SYK: variants seen among roughly 807,000 people sequenced by gnomAD.
SYK encodes spleen associated tyrosine kinase, also known as tyrosine-protein kinase SYK.
Under a neutral mutation model 77.8 loss-of-function variants are expected in SYK, and 16 were observed. The observed-to-expected ratio is 0.21, with a 90% confidence interval of 0.14 to 0.31. The LOEUF (loss-of-function observed/expected upper bound fraction) is 0.31. Ranked by LOEUF, SYK falls within the 10% of genes least tolerant of loss-of-function variation. The pLI is 1.00. For missense variants in SYK, 529 were observed against 814.4 expected, an observed-to-expected ratio of 0.65 and a Z score of 4.26; for synonymous variants, 312 against 308.7, an observed-to-expected ratio of 1.01 and a Z score of -0.11.
chr9:90,861,127 G>T (rs186684512), intron 3 of SYK, among the ~76,000 whole-genome samples: 2 of 152,136 alleles, frequency 1.3e-5, no homozygotes. Flanking sequence ...TAAACTGGGG[G>T]ATTCGCACCC....
Position 90,895,523 on chromosome 9 carries a change from T to G in SYK, c.1836-5T>G. 2 of 1,614,006 alleles carry G rather than the reference T, an allele frequency of 1.2e-6. No individual in the cohort carries two copies. Among genetic ancestry groups the G allele is most frequent in the East Asian group, 4.5e-5 (2 of 44,882 alleles). ...ACAAACAAGAATGCATCTCTTCCAT[T>G]CCAGTGTGGAAAACAGGCCCGGATT... is the stretch of plus-strand genomic sequence containing the variant. On this transcript the variant is annotated splice_polypyrimidine_tract_variant and splice_region_variant and intron_variant, in intron 13 of 13. Transcript: ENST00000375754. This position sits in a 1 kb window ranked among gnomAD's most constrained non-coding sequence, Gnocchi z 4.4.
intron 3 of SYK, among the ~76,000 whole-genome samples, chr9:90,858,963 A>C (rs747970428): frequency 2.0e-5 from 3 of 152,338 alleles, no homozygotes; most frequent in Non-Finnish European, 4.4e-5. Context: ...AAGAGCCTCA[A>C]GGAAGTGAGG....
chr9:90,896,809 T>C lies in SYK; in HGVS notation c.*1209T>C. On this transcript the variant is annotated 3_prime_UTR_variant, in exon 14 of 14. Transcript: ENST00000375754. Reference sequence around the variant, plus strand: ...TAGGAGGCCGAGGCGGGTGGATCACTTGAGGTAAGGAGTTTGAGACTAGCC... The same window carrying C: ...TAGGAGGCCGAGGCGGGTGGATCACCTGAGGTAAGGAGTTTGAGACTAGCC... 1 of 216,920 alleles carries C rather than the reference T, an allele frequency of 4.6e-6. No homozygotes were observed. Among genetic ancestry groups the C allele is most frequent in the Admixed American group, 5.8e-5 (1 of 17,252 alleles). The allele number at this position is 216,920 out of a possible 1,614,324, so 13.4% of individuals were successfully genotyped here.
intron 3 of SYK, among the ~76,000 whole-genome samples, chr9:90,858,576 G>A (rs1157422852): frequency 6.6e-6 from 1 of 152,206 alleles, no homozygotes; most frequent in Non-Finnish European, 1.5e-5. Flanking sequence ...AGCCTGGGTG[G>A]GTGTCCTGAT....
intron 3 of SYK, among the ~76,000 whole-genome samples, chr9:90,857,678 C>G (rs745468198): frequency 3.3e-5 from 5 of 152,190 alleles, no homozygotes; most frequent in Non-Finnish European, 7.3e-5. Flanking sequence ...TGCTGACATA[C>G]ACACTGTTCA....
In SYK at chr9:90,845,544, A is replaced by G; in HGVS notation, c.528A>G (p.Glu176=). Residue 176 remains glutamate, a synonymous_variant, in exon 3 of 14, where the codon GAA becomes GAG. Transcript: ENST00000375754. ...GGTTCCATGGAAAAATCTCTCGGGA[A>G]GAATCTGAGCAAATTGTCCTGATAG... is the stretch of plus-strand genomic sequence containing the variant. ...MPWFHGKISR[E]ESEQIVLIGS... The G allele has an allele frequency of 6.2e-7, 1 of 1,614,222 alleles. No homozygotes were observed. The highest frequency in any genetic ancestry group is 1.1e-5 in the South Asian group (1 of 91,082).
intron 10 of SYK, 144 bp downstream of exon 10, chr9:90,877,924 G>A (rs1381986707): frequency 2.7e-6 from 2 of 728,560 alleles, no homozygotes; most frequent in Non-Finnish European, 2.3e-6. Flanking sequence ...CAGGGACCTT[G>A]ACAGAGGGAC....
At chr9:90,888,052 T>G in intron 12 of SYK, among the ~76,000 whole-genome samples, 163 bp downstream of exon 12, 1 of 152,352 alleles carries the variant, frequency 6.6e-6, no homozygotes, top group Non-Finnish European at 1.5e-5. Context: ...GAATGAAATA[T>G]CTGATGCTCA....
chr9:90,877,808 G>A (rs376942793), intron 10 of SYK, 28 bp downstream of exon 10: 4 of 1,612,620 alleles, frequency 2.5e-6, no homozygotes, highest in Non-Finnish European at 3.4e-6. Context: ...CACACATCTG[G>A]AAGCTATCCC....
intron 4 of SYK, 82 bp from the exon 5 acceptor site, chr9:90,864,507 C>T (rs1385361430): frequency 5.6e-6 from 7 of 1,242,178 alleles, no homozygotes; most frequent in Admixed American, 1.7e-5. Flanking sequence ...GAAAGCCCAA[C>T]AGTCAGTCAG....
At chr9:90,811,936 A>G (rs1825092065) in intron 1 of SYK, among the ~76,000 whole-genome samples, 1 of 61,256 alleles carries the variant, frequency 1.6e-5, no homozygotes, top group Non-Finnish European at 3.4e-5. Flanking sequence ...AAAAATAATA[A>G]GTGAAAAAAA....
At chr9:90,809,865 T>A (rs1163385201) in intron 1 of SYK, among the ~76,000 whole-genome samples, 1 of 151,672 alleles carries the variant, frequency 6.6e-6, no homozygotes, top group East Asian at 1.9e-4. Flanking sequence ...GGGTTGGGAG[T>A]GGACAGGTGT....
At chr9:90,844,347 C>T (rs1448222422) in intron 2 of SYK, 32 bp downstream of exon 2, 1 of 1,530,240 alleles carries the variant, frequency 6.5e-7, no homozygotes, top group East Asian at 2.3e-5. Context: ...TCCCTGGGCC[C>T]AGGGGGCCCT....
intron 1 of SYK, among the ~76,000 whole-genome samples, chr9:90,828,767 A>G (rs1274664554): frequency 2.6e-5 from 4 of 152,010 alleles, no homozygotes; most frequent in Non-Finnish European, 5.9e-5. Flanking sequence ...CCTGGTGGAG[A>G]AGAACTGCAG....
In SYK at chr9:90,823,501, C is replaced by T. The variant is rs149311311; in HGVS notation, c.-41-20357C>T. Among the ~76,000 whole-genome samples, 16 of 152,254 alleles carry T rather than the reference C, an allele frequency of 1.1e-4. 1 individual carries two copies. In the South Asian group the frequency reaches 2.7e-3, roughly 26 times the overall value. ...CAAGATAGAGCACATTCTTGGAAAA[C>T]ATGTTAACACATTTGAAAGACTAAA... On this transcript the variant is annotated intron_variant, in intron 1 of 13. Transcript: ENST00000375754.
chr9:90,806,951 C>T (rs544804551), intron 1 of SYK, among the ~76,000 whole-genome samples: 62 of 151,092 alleles, frequency 4.1e-4, no homozygotes, highest in African/African-American at 1.3e-3. Flanking sequence ...CTGGCCTTCT[C>T]CTCGATTTCC....
At chr9:90,862,115 T>G in intron 3 of SYK, 91 bp from the exon 4 acceptor site, 1 of 1,424,196 alleles carries the variant, frequency 7.0e-7, no homozygotes, top group Non-Finnish European at 9.3e-7. Flanking sequence ...AGAGAGCGGC[T>G]GCTGACCATT....
At chr9:90,884,141 A>G (rs901909342) in intron 11 of SYK, among the ~76,000 whole-genome samples, 17 of 113,840 alleles carry the variant, frequency 1.5e-4, no homozygotes, top group African/African-American at 5.5e-4. Context: ...CTACATATAT[A>G]TATGTGTGTG....
chr9:90,861,509 T>C (rs962652030), intron 3 of SYK, among the ~76,000 whole-genome samples: 2 of 149,384 alleles, frequency 1.3e-5, no homozygotes, highest in Admixed American at 6.7e-5. Flanking sequence ...CTTTCCTGCA[T>C]TGGGAGCTTG....
Sources: allele counts gnomAD v4.1 joint callset (sites outside exome capture counted in the v4.1 genomes callset), GRCh38; gene constraint gnomAD v4.1.1; non-coding constraint Gnocchi (gnomAD v3.1); transcripts MANE v1.5; gene names NCBI Gene and HGNC (gene_info 2026-07-23, HGNC 2026-07-21).